KSR1: variants seen among roughly 807,000 people sequenced by gnomAD.
KSR1 encodes the protein kinase suppressor of ras.
In KSR1, 35 loss-of-function variants were observed where a neutral mutation model predicts 92.9. The ratio of observed to expected loss-of-function variants is 0.38; its 90% CI spans 0.29 to 0.50. KSR1 has a LOEUF of 0.50. KSR1 is among the 20% of genes least tolerant of loss of function. The probability of loss-of-function intolerance (pLI) is 0.94; values close to 1 mark genes in which losing one functional copy is unlikely to be tolerated. For synonymous variants in KSR1, 467 were observed against 472.6 expected (o/e 0.99, Z 0.15); for missense variants, 972 against 1,158.5 (o/e 0.84, Z 2.34).
In KSR1 at chr17:27,508,709, T is replaced by TTTATTTATTTA. The variant is rs1555572324; in HGVS notation, c.232-41857_232-41856insATTTATTTATT. Among the ~76,000 whole-genome samples, 1,357 of 138,318 alleles carry TTTATTTATTTA rather than the reference T, an allele frequency of 9.8e-3. 7 individuals are homozygous for TTTATTTATTTA. The highest frequency in any genetic ancestry group is 0.018 in the Middle Eastern group (5 of 278). 90.7% of individuals were successfully genotyped at this position (138,318 alleles called of 152,430 possible). A position where few individuals can be genotyped will look rare whatever the true frequency, so the allele number is the denominator to read the frequency against. ...TTTCCTAGGTTTGGGCCTGAATTTT[T>TTTATTTATTTA]TTTATTTATTTATTTATTTATTTAT... On this transcript the variant is annotated intron_variant, in intron 1 of 20. Coordinates refer to ENST00000644974, the MANE Select transcript of KSR1 (RefSeq NM_001394583.1).
chr17:27,622,069 C>T, intron 20 of KSR1: 1 of 800,286 alleles, frequency 1.2e-6, no homozygotes, highest in South Asian at 1.5e-5. Context: ...CCAGTCGTCT[C>T]TCTCGAGGCT....
intron 1 of KSR1, among the ~76,000 whole-genome samples, chr17:27,543,523 C>T (rs1401984611): frequency 6.6e-6 from 1 of 152,240 alleles, no homozygotes; most frequent in African/African-American, 2.4e-5. Context: ...GCACGTGCTT[C>T]TCCTTGGCAC....
intron 10 of KSR1, among the ~76,000 whole-genome samples, chr17:27,600,101 T>C (rs1354395611): frequency 6.7e-6 from 1 of 149,414 alleles, no homozygotes; most frequent in Non-Finnish European, 1.5e-5. Context: ...TTTTTTTTTT[T>C]TTTTTTTTTT....
At chr17:27,509,806 C>T (rs971269824) in intron 1 of KSR1, among the ~76,000 whole-genome samples, 6 of 152,182 alleles carry the variant, frequency 3.9e-5, no homozygotes, top group Non-Finnish European at 8.8e-5. Context: ...TGCCATTGCA[C>T]TCCAGCCTGG....
chr17:27,592,197 G>A (rs192295374), intron 7 of KSR1, among the ~76,000 whole-genome samples, 164 bp from the exon 8 acceptor site: 3 of 152,128 alleles, frequency 2.0e-5, no homozygotes, highest in Non-Finnish European at 2.9e-5. Flanking sequence ...TGTAGCAGCT[G>A]CTATTACTAT....
At chr17:27,566,303 G>A (rs940169505) in intron 2 of KSR1, 2 of 394,184 alleles carry the variant, frequency 5.1e-6, no homozygotes, top group African/African-American at 4.1e-5. Flanking sequence ...AGTATGTGCT[G>A]ACTCCCCAGC....
At chr17:27,493,694 C>G (rs2068893331) in intron 1 of KSR1, among the ~76,000 whole-genome samples, 1 of 152,084 alleles carries the variant, frequency 6.6e-6, no homozygotes, top group Non-Finnish European at 1.5e-5. Flanking sequence ...AAAGAAGCAG[C>G]ATCATGAAAA....
At chr17:27,461,787 G>A (rs2019453274) in intron 1 of KSR1, among the ~76,000 whole-genome samples, 1 of 148,168 alleles carries the variant, frequency 6.7e-6, no homozygotes, top group Admixed American at 6.7e-5. Context: ...TCCACGTCAG[G>A]GTTGTTTCCT....
At chr17:27,535,631 A>T (rs570814080) in intron 1 of KSR1, among the ~76,000 whole-genome samples, 14 of 152,314 alleles carry the variant, frequency 9.2e-5, no homozygotes, top group African/African-American at 3.4e-4. Context: ...ACTCTTCCCC[A>T]GTCACCCGTC....
chr17:27,526,044 T>TTTCTTTTCTTTTCTC, intron 1 of KSR1, among the ~76,000 whole-genome samples: 1 of 122,878 alleles, frequency 8.1e-6, no homozygotes, highest in South Asian at 2.8e-4. Context: ...TTTCTTTTCT[T>TTTCTTTTCTTTTCTC]TCTCTCTCTC....
chr17:27,588,505 G>A lies in KSR1; in HGVS notation c.1016G>A (p.Arg339Gln), dbSNP rs757396791. Residue 339 changes from arginine (R) to glutamine (Q), a missense_variant, in exon 6 of 21, where the codon CGG (arginine) becomes CAG (glutamine). Arg to Gln is a conservative substitution (Grantham distance 43). Coordinates refer to ENST00000644974, the MANE Select transcript of KSR1 (RefSeq NM_001394583.1). ...DLSHGSPQMVRRDIGLSVTHR... is the reference protein window; with the variant it reads ...DLSHGSPQMVQRDIGLSVTHR... ...TCGCATGGATCCCCACAGATGGTAC[G>A]GAGGGATATCGGGCTGTCGGTGACG... 30 of 1,593,022 alleles carry A rather than the reference G, an allele frequency of 1.9e-5. No individual in the cohort carries two copies. The highest frequency in any genetic ancestry group is 1.8e-4 in the East Asian group (8 of 44,052).
Position 27,464,940 on chromosome 17 carries a change from T to TAA in KSR1, c.231+8080_231+8081dup, listed in dbSNP as rs111417449. ...TAATGCTAACAATAGCTGATGAGCT[T>TAA]AAAAAAAAAAAAAAAGGTTTGTGCA... On this transcript the variant is annotated intron_variant, in intron 1 of 20. Coordinates refer to ENST00000644974, the MANE Select transcript of KSR1 (RefSeq NM_001394583.1). 7.3e-3 allele frequency among the ~76,000 whole-genome samples: 974 copies of TAA among 134,158 alleles called. 8 individuals are homozygous for TAA. The highest frequency in any genetic ancestry group is 9.0e-3 in the Non-Finnish European group (559 of 62,108). The allele number at this position is 134,158 out of a possible 152,430, so 88.0% of individuals were successfully genotyped here. A position where few individuals can be genotyped will look rare whatever the true frequency, so the allele number is the denominator to read the frequency against.
In KSR1 at chr17:27,544,775, AAAGG is replaced by A. The variant is rs1391546066; in HGVS notation, c.232-5792_232-5789del. On this transcript the variant is annotated intron_variant, in intron 1 of 20. Transcript: ENST00000644974. ...TTAAGAGAAAATGACGCTACCAATG[AAAGG>A]TCCCCTTTTAGGCCCCCAGGGCTGG... Among the ~76,000 whole-genome samples the A allele has an allele frequency of 2.0e-5, 3 of 152,346 alleles. No homozygotes were observed. In the East Asian group the frequency reaches 5.8e-4, roughly 29 times the overall value.
intron 1 of KSR1, among the ~76,000 whole-genome samples, chr17:27,484,576 T>C (rs1320496205): frequency 6.6e-6 from 1 of 152,142 alleles, no homozygotes; most frequent in Admixed American, 6.5e-5. Flanking sequence ...TGCCAGGCAT[T>C]CTGACACATG....
chr17:27,491,327 G>A (rs2068820343), intron 1 of KSR1, among the ~76,000 whole-genome samples: 2 of 143,612 alleles, frequency 1.4e-5, no homozygotes, highest in Non-Finnish European at 3.1e-5. Flanking sequence ...GTGTGTGTGT[G>A]TGTGTGTGTG....
intron 16 of KSR1, chr17:27,609,826 C>G (rs2073865665): frequency 2.3e-6 from 1 of 434,092 alleles, no homozygotes; most frequent in Non-Finnish European, 4.1e-6. Context: ...CCAGCAGCTC[C>G]CTGTCAATAT....
At chr17:27,503,190 C>T (rs988508146) in intron 1 of KSR1, among the ~76,000 whole-genome samples, 13 of 152,196 alleles carry the variant, frequency 8.5e-5, no homozygotes, top group Admixed American at 8.5e-4. Context: ...TCTTGTAAGT[C>T]TAAAGCAGAG....
chr17:27,556,379 C>CTA (rs1037097495), intron 2 of KSR1, among the ~76,000 whole-genome samples: 1 of 151,904 alleles, frequency 6.6e-6, no homozygotes, highest in East Asian at 1.9e-4. Context: ...CTGCACCTGG[C>CTA]TATATATATA....
intron 1 of KSR1, among the ~76,000 whole-genome samples, chr17:27,544,821 G>A (rs1189615098): frequency 6.6e-6 from 1 of 152,250 alleles, no homozygotes; most frequent in Non-Finnish European, 1.5e-5. Context: ...AGGCCCCACT[G>A]TGGTTTGTCT....
Sources: gnomAD v4.1 joint callset for allele counts (sites outside exome capture counted in the v4.1 genomes callset) on GRCh38, gnomAD v4.1.1 for gene constraint, MANE v1.5 for transcripts, NCBI Gene and HGNC (gene_info 2026-07-23, HGNC 2026-07-21) for gene names.